Variants in RMDN2 observed in about 807,000 individuals in gnomAD.
RMDN2 encodes regulator of microtubule dynamics protein 2.
In RMDN2, 61 loss-of-function variants were observed where a neutral mutation model predicts 52.8. The observed-to-expected ratio is 1.16, with a 90% CI of 0.94 to 1.43. The LOEUF (loss-of-function observed/expected upper bound fraction) is 1.43, where lower values mean the gene tolerates loss of function less well. Ranked by LOEUF, RMDN2 falls within the 40% of genes most tolerant of loss-of-function variation. RMDN2 has a pLI of 0.00. For synonymous variants in RMDN2, 180 were observed against 153.1 expected (o/e 1.18, Z -1.30); for missense variants, 592 against 475.3 (o/e 1.25, Z -2.28).
chr2:38,054,193 G>T (rs192795535), intron 10 of RMDN2, among the ~76,000 whole-genome samples: 10 of 152,080 alleles, frequency 6.6e-5, no homozygotes, highest in African/African-American at 2.4e-4. Flanking sequence ...TGTTTTATGC[G>T]TATTATTCCC....
chr2:37,993,264 A>G (rs1303913885), intron 7 of RMDN2, among the ~76,000 whole-genome samples: 2 of 152,136 alleles, frequency 1.3e-5, no homozygotes. Flanking sequence ...TTAACTAGTA[A>G]GCTCTACTGC....
intron 10 of RMDN2, among the ~76,000 whole-genome samples, chr2:38,063,970 C>CTGTT (rs1682161863): frequency 6.6e-6 from 1 of 151,040 alleles, no homozygotes; most frequent in Non-Finnish European, 1.5e-5. Context: ...ATAGTGAATC[C>CTGTT]TGTTTGTGTG....
chr2:38,010,626 AG>A (rs1677841033), intron 10 of RMDN2, among the ~76,000 whole-genome samples: 1 of 152,156 alleles, frequency 6.6e-6, no homozygotes, highest in Admixed American at 6.5e-5. Context: ...TTCTTTGACT[AG>A]GAAAGGGAAT....
At chr2:37,970,257 C>T (rs993861476) in intron 2 of RMDN2, among the ~76,000 whole-genome samples, 1 of 152,000 alleles carries the variant, frequency 6.6e-6, no homozygotes, top group Non-Finnish European at 1.5e-5. Context: ...TTCTTTTGTC[C>T]TGAAGTGGTG....
chr2:37,991,195 AT>A, intron 6 of RMDN2, 24 bp from the exon 7 acceptor site: 1 of 1,421,574 alleles, frequency 7.0e-7, no homozygotes, highest in Non-Finnish European at 9.7e-7. Flanking sequence ...TTGGGAGATG[AT>A]TTTCCTTTGG....
chr2:37,941,252 C>A (rs1005442484), intron 2 of RMDN2, among the ~76,000 whole-genome samples: 2 of 135,036 alleles, frequency 1.5e-5, no homozygotes, highest in Non-Finnish European at 3.2e-5. Flanking sequence ...TTGCTGGCTG[C>A]TCCTTCCTCT....
chr2:38,065,177 T>A (rs1480905557), intron 10 of RMDN2, among the ~76,000 whole-genome samples: 1 of 152,120 alleles, frequency 6.6e-6, no homozygotes, highest in African/African-American at 2.4e-5. Context: ...AGCTATGGAA[T>A]TACACAGGGA....
upstream of RMDN2, among the ~76,000 whole-genome samples, chr2:37,921,877 T>C (rs58508841): frequency 3.3e-3 from 497 of 152,312 alleles, 2 homozygotes; most frequent in African/African-American, 0.011. Flanking sequence ...AGATAATTCA[T>C]ATAAAGAACG....
chr2:37,922,818 G>A (rs1441277736), upstream of RMDN2, among the ~76,000 whole-genome samples: 1 of 152,150 alleles, frequency 6.6e-6, no homozygotes, highest in African/African-American at 2.4e-5. Flanking sequence ...GGTTTTGGAC[G>A]GGTGGCAAGC....
At chr2:37,954,595 G>C (rs992635572) in intron 2 of RMDN2, among the ~76,000 whole-genome samples, 3 of 152,056 alleles carry the variant, frequency 2.0e-5, no homozygotes, top group Non-Finnish European at 4.4e-5. Context: ...TACTGTTTTG[G>C]TTACTGTAGC....
At chr2:37,965,668 A>G (rs1180398653) in intron 2 of RMDN2, among the ~76,000 whole-genome samples, 1 of 152,190 alleles carries the variant, frequency 6.6e-6, no homozygotes, top group Non-Finnish European at 1.5e-5. Context: ...ACTTAGAATA[A>G]TTCTGTTATA....
At chr2:37,938,093 G>C (rs1180047440) in intron 2 of RMDN2, among the ~76,000 whole-genome samples, 8 of 152,086 alleles carry the variant, frequency 5.3e-5, no homozygotes, top group Admixed American at 5.2e-4. Context: ...AGTGTTTTTA[G>C]CATGAAGGGG....
intron 7 of RMDN2, among the ~76,000 whole-genome samples, chr2:37,991,781 T>A (rs1035710586): frequency 2.6e-5 from 4 of 152,302 alleles, no homozygotes; most frequent in South Asian, 2.1e-4. Context: ...CAGGGATGAA[T>A]AAAACACTCC....
At chr2:38,001,561 T>G (rs936257072) in intron 8 of RMDN2, among the ~76,000 whole-genome samples, 5 of 152,230 alleles carry the variant, frequency 3.3e-5, no homozygotes, top group Non-Finnish European at 7.3e-5. Flanking sequence ...TTTAGTTAAC[T>G]AAACATGGGT....
intron 10 of RMDN2, among the ~76,000 whole-genome samples, chr2:38,015,758 A>G (rs1678681015): frequency 6.6e-6 from 1 of 152,166 alleles, no homozygotes; most frequent in Non-Finnish European, 1.5e-5. Flanking sequence ...CGTGTAGAAT[A>G]TCTACAGGAA....
intron 7 of RMDN2, among the ~76,000 whole-genome samples, chr2:37,995,322 G>GACTACTGCT (rs1675368365): frequency 6.8e-6 from 1 of 147,156 alleles, no homozygotes; most frequent in Non-Finnish European, 1.5e-5. Flanking sequence ...AAGAGGGGAT[G>GACTACTGCT]ACTACTACTA....
downstream of RMDN2, among the ~76,000 whole-genome samples, chr2:38,018,338 T>A (rs953260741): frequency 1.9e-4 from 29 of 152,320 alleles, no homozygotes; most frequent in South Asian, 4.1e-4. Context: ...AAGAAAAAAT[T>A]TAAAAAGTAT....
chr2:37,925,980 A>G (rs1210895205), intron 1 of RMDN2, among the ~76,000 whole-genome samples: 2 of 152,254 alleles, frequency 1.3e-5, no homozygotes, highest in Admixed American at 6.5e-5. Context: ...ATACAAAAAA[A>G]CCATGAAAAC....
chr2:37,932,008 T>G (rs1381065734), intron 2 of RMDN2, among the ~76,000 whole-genome samples: 3 of 152,118 alleles, frequency 2.0e-5, no homozygotes, highest in Non-Finnish European at 4.4e-5. Context: ...AGACAAACAG[T>G]TTGGATTTTT....
Sources: gnomAD v4.1 joint callset for allele counts (sites outside exome capture counted in the v4.1 genomes callset) on GRCh38, gnomAD v4.1.1 for gene constraint, MANE v1.5 for transcripts, NCBI Gene and HGNC (gene_info 2026-07-23, HGNC 2026-07-21) for gene names.